The following RNF130 variants were observed in gnomAD, a reference collection of about 807,000 sequenced individuals.
RNF130 encodes E3 ubiquitin-protein ligase RNF130.
A neutral mutation model predicts 44.6 loss-of-function variants in RNF130; 21 were observed. The ratio of observed to expected loss-of-function variants is 0.47; its 90% confidence interval spans 0.33 to 0.68. RNF130 has a LOEUF of 0.68. Among genes scored for constraint, RNF130 ranks in the 30% least tolerant of loss-of-function variants. RNF130 has a pLI of 0.02. For missense variants in RNF130, 479 were observed against 560.6 expected, an observed-to-expected ratio of 0.85 and a Z score of 1.47; for synonymous variants, 214 against 210.4, an observed-to-expected ratio of 1.02 and a Z score of -0.15.
At chr5:179,963,668 G>A in intron 7 of RNF130, 104 bp from the exon 8 acceptor site, 3 of 820,762 alleles carry the variant, frequency 3.7e-6, no homozygotes, top group South Asian at 3.0e-5. Context: ...CAACGGAGGT[G>A]TAAGCCAAGA....
At chr5:180,065,071 A>G (rs1202858850) in intron 1 of RNF130, among the ~76,000 whole-genome samples, 2 of 152,014 alleles carry the variant, frequency 1.3e-5, no homozygotes, top group Non-Finnish European at 2.9e-5. Flanking sequence ...AGTATCCTCC[A>G]GTTCCTTAAT....
chr5:179,972,995 C>A (rs1301820817), intron 5 of RNF130, among the ~76,000 whole-genome samples: 1 of 152,126 alleles, frequency 6.6e-6, no homozygotes, highest in Non-Finnish European at 1.5e-5. Context: ...CCAACTGGTT[C>A]TCTGGTGACA....
chr5:179,994,053 T>A (rs899041979), intron 3 of RNF130, among the ~76,000 whole-genome samples: 2 of 152,232 alleles, frequency 1.3e-5, no homozygotes, highest in Non-Finnish European at 2.9e-5. Context: ...TGGTATTATT[T>A]CTGAGGGCTC....
intron 1 of RNF130, among the ~76,000 whole-genome samples, chr5:180,060,648 C>A (rs59150995): frequency 0.11 from 16,329 of 152,154 alleles, 1,891 homozygotes; most frequent in African/African-American, 0.3. Context: ...AGGCAACTGG[C>A]CTCCTAACCT....
intron 3 of RNF130, among the ~76,000 whole-genome samples, chr5:179,984,435 G>A (rs1762909281): frequency 6.6e-6 from 1 of 152,118 alleles, no homozygotes; most frequent in African/African-American, 2.4e-5. Flanking sequence ...TGCCCTAATA[G>A]TTTGAGGAAA....
At position 179,947,512 on chromosome 5, in the gene RNF130, C is replaced by T. The variant is rs1762059805; in HGVS notation, c.1150+19294G>A. ...GGCAAATAGAATGGGGTTTGGAACA[C>T]AGACCCTGGGGGCCAGCTTATGTGT... On this transcript the variant is annotated intron_variant, in intron 7 of 7. Transcript: ENST00000522208. Among the ~76,000 whole-genome samples the T allele has an allele frequency of 3.9e-5, 6 of 152,222 alleles. No individual in the cohort carries two copies. The South Asian group carries it at 1.2e-3, about 31-fold the overall frequency.
intron 2 of RNF130, among the ~76,000 whole-genome samples, chr5:180,015,138 T>C (rs1450953727): frequency 6.6e-6 from 1 of 152,194 alleles, no homozygotes. Flanking sequence ...CAAAAAACTA[T>C]AAAATTAAAG....
chr5:180,019,075 T>C (rs1023693277), intron 2 of RNF130, among the ~76,000 whole-genome samples: 2 of 152,172 alleles, frequency 1.3e-5, no homozygotes, highest in Non-Finnish European at 2.9e-5. Context: ...CCATATACTT[T>C]AAGTGAAAAA....
chr5:179,941,963 C>T (rs867328251), intron 7 of RNF130, among the ~76,000 whole-genome samples: 7 of 152,182 alleles, frequency 4.6e-5, no homozygotes, highest in Non-Finnish European at 1.5e-5. Flanking sequence ...CTCATTATGT[C>T]TGTTATCCTA....
At chr5:180,027,671 C>T (rs1359043180) in intron 2 of RNF130, among the ~76,000 whole-genome samples, 1 of 152,144 alleles carries the variant, frequency 6.6e-6, no homozygotes, top group East Asian at 1.9e-4. Context: ...AGCCAGGACG[C>T]GTGCCTTCCT....
At chr5:179,939,829 C>T (rs1582130435) in intron 7 of RNF130, 2 of 371,564 alleles carry the variant, frequency 5.4e-6, no homozygotes, top group Admixed American at 6.5e-5. Context: ...GAAAATGGGT[C>T]CCTCCCACCA....
chr5:179,929,434 C>A (rs780723418), intron 7 of RNF130, among the ~76,000 whole-genome samples: 1 of 152,152 alleles, frequency 6.6e-6, no homozygotes, highest in African/African-American at 2.4e-5. Context: ...TTATTCTTAG[C>A]TCTTTCCATT....
chr5:179,988,116 T>C (rs1183015971), intron 3 of RNF130, among the ~76,000 whole-genome samples: 1 of 152,224 alleles, frequency 6.6e-6, no homozygotes, highest in Admixed American at 6.5e-5. Flanking sequence ...TGAGGGATCA[T>C]TACTATTTAT....
intron 3 of RNF130, among the ~76,000 whole-genome samples, chr5:180,010,790 G>T (rs972127061): frequency 2.6e-5 from 4 of 152,188 alleles, no homozygotes; most frequent in Non-Finnish European, 5.9e-5. Context: ...AGGGTTCCTT[G>T]TGATGGAACT....
intron 7 of RNF130, among the ~76,000 whole-genome samples, chr5:179,942,967 AG>A (rs1222484712): frequency 6.6e-6 from 1 of 152,094 alleles, no homozygotes; most frequent in Admixed American, 6.6e-5. Context: ...GAGGCCGAGG[AG>A]GGTGGATCAT....
chr5:180,033,606 C>T (rs1013200231), intron 2 of RNF130, among the ~76,000 whole-genome samples: 1 of 151,922 alleles, frequency 6.6e-6, no homozygotes, highest in Admixed American at 6.6e-5. Flanking sequence ...AGGAGAATCA[C>T]TTTCACTTGA....
intron 7 of RNF130, among the ~76,000 whole-genome samples, chr5:179,934,857 ATTT>A (rs1223045823): frequency 2.0e-5 from 3 of 151,514 alleles, no homozygotes; most frequent in Admixed American, 2.0e-4. Flanking sequence ...GGCTTGGTTG[ATTT>A]TTTTTCTATT....
intron 2 of RNF130, among the ~76,000 whole-genome samples, chr5:180,018,001 A>G (rs1195227477): frequency 6.6e-6 from 1 of 152,194 alleles, no homozygotes; most frequent in Non-Finnish European, 1.5e-5. Context: ...GTAATTGAGA[A>G]AGAAGAGGTT....
intron 2 of RNF130, among the ~76,000 whole-genome samples, chr5:180,039,274 C>G (rs1291243272): frequency 6.6e-6 from 1 of 151,698 alleles, no homozygotes. Context: ...GAGTCTTGCT[C>G]TGTCACCTAG....
Sources: allele counts gnomAD v4.1 joint callset (sites outside exome capture counted in the v4.1 genomes callset), GRCh38; gene constraint gnomAD v4.1.1; transcripts MANE v1.5; gene names NCBI Gene and HGNC (gene_info 2026-07-23, HGNC 2026-07-21).